The following CTNNA1 variants were observed in gnomAD, a reference collection of about 807,000 sequenced individuals.
CTNNA1 encodes catenin alpha-1.
In CTNNA1, 37 loss-of-function variants were observed where a neutral mutation model predicts 98.4. The ratio of observed to expected loss-of-function variants is 0.38; its 90% CI spans 0.29 to 0.49. The LOEUF (loss-of-function observed/expected upper bound fraction) is 0.49, where lower values mean the gene tolerates loss of function less well. Ranked by LOEUF, CTNNA1 falls within the 20% of genes least tolerant of loss-of-function variation. The pLI, the probability that CTNNA1 is intolerant of heterozygous loss-of-function variation, is 0.95. For missense variants in CTNNA1, 761 were observed against 1,147.2 expected (o/e 0.66, Z 4.86); for synonymous variants, 404 against 413.2 (o/e 0.98, Z 0.27).
At chr5:138,761,045 T>A (rs1752304919) in intron 1 of CTNNA1, among the ~76,000 whole-genome samples, 3 of 152,228 alleles carry the variant, frequency 2.0e-5, no homozygotes, top group African/African-American at 7.2e-5. Context: ...ATGTTAGGGA[T>A]CTGCCTTGTC....
chr5:138,914,284 G>A (rs1422624413), intron 10 of CTNNA1, among the ~76,000 whole-genome samples: 1 of 152,196 alleles, frequency 6.6e-6, no homozygotes, highest in Non-Finnish European at 1.5e-5. Flanking sequence ...TATTCTTACA[G>A]TGTATAGCTC....
At chr5:138,880,985 T>G (rs1253766368) in intron 7 of CTNNA1, 6 of 444,476 alleles carry the variant, frequency 1.3e-5, no homozygotes, top group African/African-American at 4.0e-5. Context: ...CAAAGAAAAT[T>G]CATAAAAATT....
chr5:138,806,996 G>A (rs1211365041), intron 3 of CTNNA1, among the ~76,000 whole-genome samples: 1 of 149,262 alleles, frequency 6.7e-6, no homozygotes, highest in African/African-American at 2.5e-5. Flanking sequence ...GTGCCATAGA[G>A]TAGATGTTGG....
rs558964400 is a variant in CTNNA1 at position 138,810,656 on chromosome 5, T to C, written c.468+452T>C. ...CCCAAGGCCGAAGAATTTTTCTTAG[T>C]ACAGAACAAAATGAAGTTTCCCATG... On this transcript the variant is annotated intron_variant, in intron 4 of 17. Coordinates refer to ENST00000302763, the MANE Select transcript of CTNNA1 (RefSeq NM_001903.5). Among the ~76,000 whole-genome samples, 3 of 152,322 alleles carry C rather than the reference T, an allele frequency of 2.0e-5. No individual in the cohort carries two copies. In the South Asian group the frequency reaches 6.2e-4, roughly 32 times the overall value.
rs1232125902 is a variant in CTNNA1 at position 138,894,117 on chromosome 5, C to T, written c.1296+6475C>T. On this transcript the variant is annotated intron_variant, in intron 9 of 17. Coordinates refer to ENST00000302763, the MANE Select transcript of CTNNA1 (RefSeq NM_001903.5). The stretch of plus-strand genomic sequence containing the variant: ...AGTTTTTAGTAGAGATGGGGTTTTG[C>T]CATGTTGGCCAGGCTGGTCTCGAAC... Among the ~76,000 whole-genome samples, 4 of 151,968 alleles carry T rather than the reference C, an allele frequency of 2.6e-5. No homozygotes were observed. In the East Asian group the frequency reaches 7.7e-4, roughly 29 times the overall value.
chr5:138,849,243 A>G (rs1000752907), intron 7 of CTNNA1, among the ~76,000 whole-genome samples: 11 of 152,080 alleles, frequency 7.2e-5, no homozygotes, highest in Non-Finnish European at 1.3e-4. Flanking sequence ...TTCATTTTTT[A>G]TAAGTTGTAT....
intron 7 of CTNNA1, among the ~76,000 whole-genome samples, chr5:138,884,367 T>C (rs1026222206): frequency 6.6e-6 from 1 of 152,158 alleles, no homozygotes; most frequent in African/African-American, 2.4e-5. Flanking sequence ...GCTTCAGATA[T>C]TAGATGGCAA....
intron 11 of CTNNA1, among the ~76,000 whole-genome samples, chr5:138,919,967 A>ATTT (rs34990349): frequency 1.5e-4 from 12 of 79,430 alleles, no homozygotes; most frequent in African/African-American, 4.3e-4. Flanking sequence ...AGCTTTGGCA[A>ATTT]TTTTTTTTTT....
At chr5:138,781,809 T>G (rs554131274) in intron 1 of CTNNA1, 114 bp from the exon 2 acceptor site, 2 of 908,288 alleles carry the variant, frequency 2.2e-6, no homozygotes, top group Non-Finnish European at 3.2e-6. Flanking sequence ...AATTTTTTCA[T>G]CTATAGTGAA....
intron 3 of CTNNA1, among the ~76,000 whole-genome samples, chr5:138,796,541 C>T (rs1756992611): frequency 1.5e-5 from 1 of 68,232 alleles, no homozygotes; most frequent in Admixed American, 1.7e-4. Flanking sequence ...GAGACTCCGT[C>T]TCAAAAAAAA....
chr5:138,892,734 A>G (rs1755739940), intron 9 of CTNNA1, among the ~76,000 whole-genome samples: 1 of 151,958 alleles, frequency 6.6e-6, no homozygotes, highest in African/African-American at 2.4e-5. Flanking sequence ...TTAAAAATTC[A>G]GGCTGAGTGC....
intron 7 of CTNNA1, among the ~76,000 whole-genome samples, chr5:138,834,886 G>A (rs567507025): frequency 2.6e-5 from 4 of 152,270 alleles, no homozygotes; most frequent in Non-Finnish European, 2.9e-5. Context: ...GAGAGTCAGC[G>A]AAGGGTGGCG....
At chr5:138,787,801 G>A (rs1030364282) in intron 3 of CTNNA1, among the ~76,000 whole-genome samples, 4 of 152,118 alleles carry the variant, frequency 2.6e-5, no homozygotes, top group Non-Finnish European at 5.9e-5. Context: ...CATAAATAAT[G>A]AATATGCACA....
rs544381346 is a variant in CTNNA1 at position 138,928,204 on chromosome 5, C to T, written c.1900-1042C>T. On this transcript the variant is annotated intron_variant, in intron 13 of 17. Coordinates refer to ENST00000302763, the MANE Select transcript of CTNNA1 (RefSeq NM_001903.5). ...GGGCTGAGCGCCAACCCCAGCTGTT[C>T]TGCCTGCTGCCCCCTTACTGATAAC... 2.6e-5 allele frequency among the ~76,000 whole-genome samples: 4 copies of T among 152,344 alleles called. No individual in the cohort carries two copies. The East Asian group carries it at 7.7e-4, about 29-fold the overall frequency.
chr5:138,810,281 C>T lies in CTNNA1; in HGVS notation c.468+77C>T, dbSNP rs182368754. On this transcript the variant is annotated intron_variant, in intron 4 of 17. Coordinates refer to ENST00000302763, the MANE Select transcript of CTNNA1 (RefSeq NM_001903.5). ...ACTGGCCTTCCTTAGTTCAGTATTC[C>T]TTAGGATTTAGTTTGGTTTTGAATT... The T allele has an allele frequency of 2.1e-4, 323 of 1,509,492 alleles. 2 individuals are homozygous for T. Among genetic ancestry groups the T allele is most frequent in the Admixed American group, 1.9e-3 (106 of 55,282 alleles). The allele number at this position is 1,509,492 out of a possible 1,614,324, so 93.5% of individuals were successfully genotyped here. A position where few individuals can be genotyped will look rare whatever the true frequency, so the allele number is the denominator to read the frequency against.
intron 5 of CTNNA1, 53 bp downstream of exon 5, chr5:138,812,355 G>C (rs1215154791): frequency 2.5e-6 from 4 of 1,569,960 alleles, no homozygotes; most frequent in Non-Finnish European, 3.4e-6. Flanking sequence ...CTATCTAGAG[G>C]GAAAAACTCA....
At chr5:138,864,309 T>C (rs1764543300) in intron 7 of CTNNA1, among the ~76,000 whole-genome samples, 1 of 152,150 alleles carries the variant, frequency 6.6e-6, no homozygotes, top group Admixed American at 6.5e-5. Context: ...AGTTTCACAG[T>C]AGTGATGTTG....
chr5:138,925,318 C>A lies in CTNNA1; in HGVS notation c.1810C>A (p.Gln604Lys), dbSNP rs755724779. The change falls in exon 13 of 18, where the codon CAG (glutamine) becomes AAG (lysine). Residue 604 changes from glutamine to lysine, a missense_variant. By Grantham distance (53) the Gln-to-Lys change is moderately conservative (BLOSUM62 1). Coordinates refer to ENST00000302763, the MANE Select transcript of CTNNA1 (RefSeq NM_001903.5). ...AVEALSSDPA[Q>K]PMDENEFIDA... ...GGAAGCCCTCAGCTCGGACCCTGCC[C>A]AGCCCATGGATGAGAATGAGTTTAT... is the stretch of plus-strand genomic sequence containing the variant. The A allele has an allele frequency of 9.9e-6, 16 of 1,614,136 alleles. No individual in the cohort carries two copies. In the South Asian group the frequency reaches 1.5e-4, roughly 16 times the overall value.
At chr5:138,856,410 C>T (rs1763731491) in intron 7 of CTNNA1, among the ~76,000 whole-genome samples, 1 of 152,112 alleles carries the variant, frequency 6.6e-6, no homozygotes, top group Non-Finnish European at 1.5e-5. Flanking sequence ...TGGCCGTGAT[C>T]ATAGCTTACC....
Sources: gnomAD v4.1 joint callset for allele counts (sites outside exome capture counted in the v4.1 genomes callset) on GRCh38, gnomAD v4.1.1 for gene constraint, MANE v1.5 for transcripts, NCBI Gene and HGNC (gene_info 2026-07-23, HGNC 2026-07-21) for gene names.